MED12L: variants seen among roughly 807,000 people sequenced by gnomAD.
MED12L encodes mediator of RNA polymerase II transcription subunit 12-like protein.
A neutral mutation model predicts 281.3 loss-of-function variants in MED12L; 60 were observed. The ratio of observed to expected loss-of-function variants is 0.21; its 90% confidence interval spans 0.17 to 0.26. MED12L has a LOEUF of 0.26. MED12L is among the 10% of genes least tolerant of loss of function. MED12L has a pLI of 1.00. For synonymous variants in MED12L, 974 were observed against 987.2 expected, an observed-to-expected ratio of 0.99 and a Z score of 0.25; for missense variants, 2,146 against 2,680.9, an observed-to-expected ratio of 0.80 and a Z score of 4.41.
intron 39 of MED12L, among the ~76,000 whole-genome samples, chr3:151,397,568 C>A (rs1208067354): frequency 6.6e-6 from 1 of 152,086 alleles, no homozygotes; most frequent in Non-Finnish European, 1.5e-5. Flanking sequence ...GAAAAAAATT[C>A]TTCTGATAAT....
intron 5 of MED12L, among the ~76,000 whole-genome samples, chr3:151,145,087 A>C (rs1717587617): frequency 1.3e-5 from 2 of 152,200 alleles, no homozygotes; most frequent in South Asian, 4.1e-4. Context: ...GTATAGGCTA[A>C]GAACACTTAC....
chr3:151,288,290 G>A (rs1291844980), intron 16 of MED12L, among the ~76,000 whole-genome samples: 1 of 151,986 alleles, frequency 6.6e-6, no homozygotes, highest in African/African-American at 2.4e-5. Flanking sequence ...CTTTCCCATG[G>A]GTGAAAAACT....
chr3:151,353,156 A>T (rs1285261001), intron 17 of MED12L, among the ~76,000 whole-genome samples: 3 of 152,312 alleles, frequency 2.0e-5, no homozygotes, highest in African/African-American at 7.2e-5. Context: ...GGGAGTTTTT[A>T]GTAGGATCTA....
intron 16 of MED12L, among the ~76,000 whole-genome samples, chr3:151,321,238 T>C (rs1748959959): frequency 6.6e-6 from 1 of 152,198 alleles, no homozygotes; most frequent in African/African-American, 2.4e-5. Context: ...TGACAGTTTT[T>C]TTCTCCTGTA....
At chr3:151,247,947 TTTCTTC>T (rs1203197867) in intron 16 of MED12L, among the ~76,000 whole-genome samples, 1 of 131,520 alleles carries the variant, frequency 7.6e-6, no homozygotes, top group Non-Finnish European at 1.6e-5. Flanking sequence ...GTTTACTTTC[TTTCTTC>T]TTCTTCTTCT....
chr3:151,411,415 A>G lies in MED12L; in HGVS notation c.6048A>G (p.Leu2016=). Residue 2016 remains leucine, a synonymous_variant, in exon 41 of 45, where the codon CTA becomes CTG. Transcript: ENST00000687756. Reference sequence around the variant, plus strand: ...CGGCCGCACATTCCAACCCCGTGCTAATGGAAAGACTCAGACAGATTCAGC... The same window carrying G: ...CGGCCGCACATTCCAACCCCGTGCTGATGGAAAGACTCAGACAGATTCAGC... ...AYPAAHSNPV[L]MERLRQIQQQ... is the part of the protein sequence containing the mutation. The G allele has an allele frequency of 1.2e-6, 2 of 1,614,164 alleles. No individual in the cohort carries two copies. The highest frequency in any genetic ancestry group is 1.1e-5 in the South Asian group (1 of 91,086).
At chr3:151,253,275 A>G (rs552182672) in intron 16 of MED12L, among the ~76,000 whole-genome samples, 2 of 152,318 alleles carry the variant, frequency 1.3e-5, no homozygotes, top group Non-Finnish European at 2.9e-5. Context: ...AGAGGCACGT[A>G]TACTGCACTC....
chr3:151,202,835 A>G (rs1322729317), intron 16 of MED12L, among the ~76,000 whole-genome samples: 1 of 152,202 alleles, frequency 6.6e-6, no homozygotes, highest in Non-Finnish European at 1.5e-5. Flanking sequence ...CCACCCAGTT[A>G]TAAGATTGAG....
At chr3:151,289,387 C>T (rs9863821) in intron 16 of MED12L, among the ~76,000 whole-genome samples, 125,776 of 152,198 alleles carry the variant, frequency 0.83, 52,301 homozygotes, top group African/African-American at 0.93. Flanking sequence ...GAAAAAGATA[C>T]TCACTCTGTA....
chr3:151,359,131 GTCCACGTGTACC>G (rs983528421), intron 20 of MED12L, among the ~76,000 whole-genome samples: 3 of 151,988 alleles, frequency 2.0e-5, no homozygotes, highest in Non-Finnish European at 4.4e-5. Context: ...TCATCCTTAT[GTCCACGTGTACC>G]TCATGCTTAG....
At chr3:151,405,327 T>C (rs1392830605) in intron 39 of MED12L, among the ~76,000 whole-genome samples, 1 of 152,230 alleles carries the variant, frequency 6.6e-6, no homozygotes, top group Non-Finnish European at 1.5e-5. Context: ...TATTAGACTG[T>C]CCCAGTTCTC....
intron 16 of MED12L, among the ~76,000 whole-genome samples, chr3:151,262,147 A>G (rs1739035467): frequency 6.6e-6 from 1 of 152,262 alleles, no homozygotes; most frequent in Non-Finnish European, 1.5e-5. Flanking sequence ...GATAGCTAGA[A>G]AAATGTACAG....
chr3:151,379,213 G>A (rs573072941), intron 31 of MED12L, among the ~76,000 whole-genome samples: 13 of 152,334 alleles, frequency 8.5e-5, no homozygotes, highest in Admixed American at 3.3e-4. Flanking sequence ...CATATTTGCT[G>A]ATAGGTGAGT....
At chr3:151,304,577 T>A (rs1253044741) in intron 16 of MED12L, among the ~76,000 whole-genome samples, 4 of 139,284 alleles carry the variant, frequency 2.9e-5, no homozygotes, top group South Asian at 2.3e-4. Context: ...CAAAAAAAAA[T>A]TTTTTTTCCA....
chr3:151,348,046 C>G (rs1560058873), intron 16 of MED12L, among the ~76,000 whole-genome samples: 1 of 152,126 alleles, frequency 6.6e-6, no homozygotes, highest in Non-Finnish European at 1.5e-5. Context: ...TCTGTAAATA[C>G]TACTTTGATG....
At chr3:151,293,545 C>T (rs1744554341) in intron 16 of MED12L, among the ~76,000 whole-genome samples, 2 of 140,724 alleles carry the variant, frequency 1.4e-5, no homozygotes. Flanking sequence ...GGGCTCTGAC[C>T]TGGACACAGA....
intron 24 of MED12L, 50 bp from the exon 25 acceptor site, chr3:151,368,099 CT>C: frequency 7.1e-7 from 1 of 1,416,972 alleles, no homozygotes; most frequent in Non-Finnish European, 9.9e-7. Context: ...ACCTGAAGGA[CT>C]TGTTCCCAAG....
Position 151,394,886 on chromosome 3 carries a change from A to C in MED12L, c.5820+19A>C. The C allele has an allele frequency of 1.9e-6, 3 of 1,613,034 alleles. No homozygotes were observed. The highest frequency in any genetic ancestry group is 2.5e-6 in the Non-Finnish European group (3 of 1,179,898). ...CCAACAGGTTTGTCCAGACCCCAGC[A>C]ATGGAGTCCTTTGCATTTTATTACC... is the stretch of plus-strand genomic sequence containing the variant. On this transcript the variant is annotated intron_variant, in intron 39 of 44. Transcript: ENST00000687756.
At chr3:151,324,972 A>G (rs1222494398) in intron 16 of MED12L, among the ~76,000 whole-genome samples, 1 of 152,198 alleles carries the variant, frequency 6.6e-6, no homozygotes, top group Non-Finnish European at 1.5e-5. Context: ...ATATTCTGTT[A>G]ATATCTGTGT....
Sources: allele counts gnomAD v4.1 joint callset (sites outside exome capture counted in the v4.1 genomes callset), GRCh38; gene constraint gnomAD v4.1.1; transcripts MANE v1.5; gene names NCBI Gene and HGNC (gene_info 2026-07-23, HGNC 2026-07-21).